Variants in SV2C observed in about 807,000 individuals in gnomAD.
SV2C encodes the protein solute carrier family 22 member B3.
A neutral mutation model predicts 79.7 loss-of-function variants in SV2C; 49 were observed. The observed-to-expected ratio is 0.61, with a 90% confidence interval of 0.49 to 0.78. The LOEUF (loss-of-function observed/expected upper bound fraction) is 0.78, where lower values mean the gene tolerates loss of function less well. Ranked by LOEUF, SV2C falls within the 30% of genes least tolerant of loss-of-function variation. The pLI is 0.00. For synonymous variants in SV2C, 334 were observed against 333.2 expected (o/e 1.00, Z -0.03); for missense variants, 833 against 912.9 (o/e 0.91, Z 1.13).
downstream of SV2C, among the ~76,000 whole-genome samples, chr5:76,335,590 C>G (rs1365048233): frequency 6.6e-6 from 1 of 152,024 alleles, no homozygotes; most frequent in Non-Finnish European, 1.5e-5. Context: ...GTTTGTGTCC[C>G]TGGGTGCTTG....
chr5:75,855,879 A>C, the SV2C span, among the ~76,000 whole-genome samples: 1 of 152,274 alleles, frequency 6.6e-6, no homozygotes, highest in Non-Finnish European at 1.5e-5. Context: ...CTGTGCTATT[A>C]AAGAGTAGGT....
intron 2 of SV2C, among the ~76,000 whole-genome samples, chr5:76,158,223 A>C (rs1580315150): frequency 6.6e-6 from 1 of 152,052 alleles, no homozygotes; most frequent in South Asian, 2.1e-4. Flanking sequence ...TTAATTAAAC[A>C]GTCCAATCAA....
chr5:76,068,424 T>C, the SV2C span, among the ~76,000 whole-genome samples: 1 of 152,170 alleles, frequency 6.6e-6, no homozygotes, highest in African/African-American at 2.4e-5. Context: ...AAAATATATA[T>C]AATGCCATAT....
the SV2C span, among the ~76,000 whole-genome samples, chr5:75,985,865 G>T: frequency 6.6e-6 from 1 of 151,576 alleles, no homozygotes; most frequent in Non-Finnish European, 1.5e-5. Flanking sequence ...TAATAAGTCT[G>T]CTTATAAACA....
the SV2C span, among the ~76,000 whole-genome samples, chr5:75,854,935 T>C: frequency 1.3e-5 from 2 of 152,182 alleles, no homozygotes; most frequent in Admixed American, 6.5e-5. Flanking sequence ...CCCAGCTGGA[T>C]TGCAAGTTGT....
chr5:76,279,155 T>C (rs967328196), intron 4 of SV2C, among the ~76,000 whole-genome samples: 1 of 152,136 alleles, frequency 6.6e-6, no homozygotes, highest in Non-Finnish European at 1.5e-5. Context: ...AAACAAGAGT[T>C]TTCCTTGATA....
intron 1 of SV2C, among the ~76,000 whole-genome samples, chr5:76,102,967 T>C (rs969481989): frequency 1.3e-5 from 2 of 152,204 alleles, no homozygotes; most frequent in African/African-American, 4.8e-5. Flanking sequence ...TTATTAGTTT[T>C]GTTCATTAAT....
chr5:76,201,119 C>T (rs1284694070), intron 3 of SV2C, among the ~76,000 whole-genome samples: 1 of 152,142 alleles, frequency 6.6e-6, no homozygotes, highest in Non-Finnish European at 1.5e-5. Flanking sequence ...AATGATTTTC[C>T]TGCCTGGGGA....
At chr5:76,161,970 T>G (rs1029562326) in intron 2 of SV2C, among the ~76,000 whole-genome samples, 11 of 152,154 alleles carry the variant, frequency 7.2e-5, no homozygotes, top group African/African-American at 2.7e-4. Context: ...AAATTAAACC[T>G]GTTCCTCAGT....
upstream of SV2C, among the ~76,000 whole-genome samples, chr5:76,082,898 G>A (rs1322203493): frequency 6.6e-6 from 1 of 152,164 alleles, no homozygotes; most frequent in Non-Finnish European, 1.5e-5. Flanking sequence ...TCAGTCCCAG[G>A]CCCGGAAATA....
intron 4 of SV2C, among the ~76,000 whole-genome samples, chr5:76,245,626 C>G (rs1312369599): frequency 1.3e-5 from 2 of 152,074 alleles, no homozygotes; most frequent in Non-Finnish European, 2.9e-5. Context: ...AGGCCGTGGT[C>G]CAGTTTTAAT....
intron 2 of SV2C, among the ~76,000 whole-genome samples, chr5:76,189,841 T>G (rs1036628689): frequency 3.3e-5 from 5 of 152,214 alleles, no homozygotes; most frequent in Admixed American, 6.5e-5. Flanking sequence ...TTGCTCACAT[T>G]GCAATGATTT....
chr5:76,190,503 G>C (rs1339580432), intron 2 of SV2C, among the ~76,000 whole-genome samples: 1 of 152,154 alleles, frequency 6.6e-6, no homozygotes, highest in East Asian at 1.9e-4. Context: ...TATTGCCCAG[G>C]GGATCTGATC....
chr5:76,140,526 T>C, intron 2 of SV2C, among the ~76,000 whole-genome samples: 1 of 152,162 alleles, frequency 6.6e-6, no homozygotes, highest in South Asian at 2.1e-4. Flanking sequence ...TTTGCTAGTT[T>C]CATAGACTCT....
the SV2C span, among the ~76,000 whole-genome samples, chr5:75,871,076 A>T: frequency 2.9e-4 from 44 of 152,340 alleles, no homozygotes; most frequent in Non-Finnish European, 5.3e-4. Flanking sequence ...TTCAGAATTG[A>T]AAGAATGGTT....
chr5:75,999,705 A>G, the SV2C span, among the ~76,000 whole-genome samples: 1 of 151,994 alleles, frequency 6.6e-6, no homozygotes, highest in African/African-American at 2.4e-5. Flanking sequence ...TGCTATAAAA[A>G]AAATACCACA....
chr5:76,166,667 T>C (rs968658118), intron 2 of SV2C, among the ~76,000 whole-genome samples: 4 of 152,184 alleles, frequency 2.6e-5, no homozygotes, highest in African/African-American at 7.2e-5. Flanking sequence ...TTTATTGAAG[T>C]ATTTTCCCCT....
At chr5:76,077,906 C>T in the SV2C span, among the ~76,000 whole-genome samples, 2 of 152,096 alleles carry the variant, frequency 1.3e-5, no homozygotes, top group Non-Finnish European at 2.9e-5. Context: ...GAGACCAACC[C>T]CTTGTTTGCC....
the SV2C span, among the ~76,000 whole-genome samples, chr5:75,994,388 T>C: frequency 6.6e-6 from 1 of 152,068 alleles, no homozygotes; most frequent in Non-Finnish European, 1.5e-5. Flanking sequence ...CACAGAGCTG[T>C]CTTACTGAAT....
Sources: gnomAD v4.1 joint callset for allele counts (sites outside exome capture counted in the v4.1 genomes callset) on GRCh38, gnomAD v4.1.1 for gene constraint, MANE v1.5 for transcripts, NCBI Gene and HGNC (gene_info 2026-07-23, HGNC 2026-07-21) for gene names.